Variants in PSMA8 observed in about 807,000 individuals in gnomAD.
The protein encoded by PSMA8 is proteasome subunit alpha-type 8.
In PSMA8, 18 loss-of-function variants were observed where a neutral mutation model predicts 32.4. The ratio of observed to expected loss-of-function variants is 0.56; its 90% CI spans 0.38 to 0.82. The LOEUF (loss-of-function observed/expected upper bound fraction) is 0.82. Ranked by LOEUF, PSMA8 falls within the 40% of genes least tolerant of loss-of-function variation. The probability of loss-of-function intolerance (pLI) is 0.00; values close to 1 mark genes in which losing one functional copy is unlikely to be tolerated. For synonymous variants in PSMA8, 104 were observed against 98.1 expected (o/e 1.06, Z -0.36); for missense variants, 298 against 300.7 (o/e 0.99, Z 0.07).
chr18:26,179,625 A>G (rs1046490481), intron 6 of PSMA8, among the ~76,000 whole-genome samples: 1 of 152,170 alleles, frequency 6.6e-6, no homozygotes, highest in Non-Finnish European at 1.5e-5. Flanking sequence ...AATGTTCAGG[A>G]TATTGTGATA....
chr18:26,134,836 C>G (rs564177517), intron 1 of PSMA8, among the ~76,000 whole-genome samples: 226 of 152,244 alleles, frequency 1.5e-3, no homozygotes, highest in African/African-American at 5.4e-3. Context: ...TGCCTGTAAT[C>G]CCAGCTACTC....
chr18:26,150,409 C>G (rs1161277365), intron 2 of PSMA8, among the ~76,000 whole-genome samples: 2 of 151,818 alleles, frequency 1.3e-5, no homozygotes, highest in Non-Finnish European at 2.9e-5. Flanking sequence ...ACGATCATAG[C>G]TCACTGCAGC....
At position 26,181,922 on chromosome 18, in the gene PSMA8, T is replaced by TG. The variant is rs1448663346; in HGVS notation, c.660+2793dup. ...CTGGGCAACAGAGTGAGACGCCATC[T>TG]GAAAAAAAAAAAAAAAACCAGTCTT... On this transcript the variant is annotated intron_variant, in intron 6 of 6. Transcript: ENST00000415576. 2.1e-5 allele frequency among the ~76,000 whole-genome samples: 3 copies of TG among 144,154 alleles called. No individual in the cohort carries two copies. In the East Asian group the frequency reaches 6.1e-4, roughly 29 times the overall value. The allele number at this position is 144,154 out of a possible 152,430, so 94.6% of individuals were successfully genotyped here.
At chr18:26,178,271 A>G (rs2055279551) in intron 4 of PSMA8, among the ~76,000 whole-genome samples, 1 of 152,020 alleles carries the variant, frequency 6.6e-6, no homozygotes, top group Non-Finnish European at 1.5e-5. Context: ...GGGAGACATT[A>G]TATTAATAGA....
chr18:26,145,180 G>A (rs1054750569), intron 2 of PSMA8, among the ~76,000 whole-genome samples: 3 of 152,110 alleles, frequency 2.0e-5, no homozygotes, highest in South Asian at 2.1e-4. Flanking sequence ...GTGCAATGGC[G>A]CGATCTCTGC....
intron 4 of PSMA8, among the ~76,000 whole-genome samples, chr18:26,159,667 A>G (rs1475574668): frequency 1.3e-5 from 2 of 152,034 alleles, no homozygotes; most frequent in Non-Finnish European, 2.9e-5. Flanking sequence ...GGACGTACAG[A>G]GAAGTATTTT....
rs550254040 is a variant in PSMA8 at position 26,148,225 on chromosome 18, A to G, written c.229+3540A>G. Among the ~76,000 whole-genome samples, 11 of 152,204 alleles carry G rather than the reference A, an allele frequency of 7.2e-5. No individual in the cohort carries two copies. In the South Asian group the frequency reaches 2.3e-3, roughly 32 times the overall value. Reference sequence around the variant, plus strand: ...GCCAAAGACATTACAAGAAAAGAAAACTATAGACAAATATCCCTTATGAGC... The same window carrying G: ...GCCAAAGACATTACAAGAAAAGAAAGCTATAGACAAATATCCCTTATGAGC... On this transcript the variant is annotated intron_variant, in intron 2 of 6. Coordinates refer to ENST00000415576, the MANE Select transcript of PSMA8 (RefSeq NM_001025096.2).
intron 4 of PSMA8, among the ~76,000 whole-genome samples, chr18:26,165,321 C>T (rs1318163204): frequency 1.3e-5 from 2 of 152,206 alleles, no homozygotes; most frequent in Non-Finnish European, 2.9e-5. Flanking sequence ...CGCATGCACC[C>T]ACGCCTGCAT....
Position 26,160,710 on chromosome 18 carries a change from G to A in PSMA8, c.477+2466G>A, listed in dbSNP as rs116056551. 5.2e-3 allele frequency among the ~76,000 whole-genome samples: 796 copies of A among 152,344 alleles called. 5 individuals are homozygous for A. Among genetic ancestry groups the A allele is most frequent in the Middle Eastern group, 0.02 (6 of 294 alleles). On this transcript the variant is annotated intron_variant, in intron 4 of 6. Transcript: ENST00000415576. ...TTTGTAGGCTTATGAGGTATAGGTA[G>A]AGGAAAAGATAGAATGGGTAGGAGA... is the stretch of plus-strand genomic sequence containing the variant.
In PSMA8 at chr18:26,192,302, T is replaced by C. The variant is rs774800339; in HGVS notation, c.661-17T>C. 1.6e-5 allele frequency: 23 copies of C among 1,469,748 alleles called. No individual in the cohort carries two copies. Among genetic ancestry groups the C allele is most frequent in the Non-Finnish European group, 2.1e-5 (23 of 1,114,566 alleles). 91.0% of individuals were successfully genotyped at this position (1,469,748 alleles called of 1,614,324 possible). ...GTATAACTGACATTTGATCTTTAAA[T>C]TTTTTTCTCTTTTCAGATGTTTAGT... is the stretch of plus-strand genomic sequence containing the variant. On this transcript the variant is annotated splice_polypyrimidine_tract_variant and intron_variant, in intron 6 of 6. Coordinates refer to ENST00000415576, the MANE Select transcript of PSMA8 (RefSeq NM_001025096.2).
At chr18:26,154,646 A>C (rs1048408726) in intron 3 of PSMA8, among the ~76,000 whole-genome samples, 8 of 151,862 alleles carry the variant, frequency 5.3e-5, no homozygotes, top group Admixed American at 5.2e-4. Flanking sequence ...ATGGAGTCTC[A>C]CTCTGTCACC....
chr18:26,176,962 A>C (rs1437120000), intron 4 of PSMA8, among the ~76,000 whole-genome samples: 2 of 152,002 alleles, frequency 1.3e-5, no homozygotes, highest in Admixed American at 6.6e-5. Flanking sequence ...AATAATACTA[A>C]ACAGTTATAA....
chr18:26,188,156 A>C (rs1658015714), intron 6 of PSMA8, among the ~76,000 whole-genome samples: 1 of 152,130 alleles, frequency 6.6e-6, no homozygotes, highest in South Asian at 2.1e-4. Context: ...ATACGAATAC[A>C]TGGAAATTAA....
At chr18:26,153,631 G>T (rs2055063539) in intron 3 of PSMA8, among the ~76,000 whole-genome samples, 1 of 151,978 alleles carries the variant, frequency 6.6e-6, no homozygotes, top group Admixed American at 6.6e-5. Context: ...TTCTCCTTTT[G>T]TAAACTATCT....
chr18:26,191,329 G>A (rs2055400583), intron 6 of PSMA8, among the ~76,000 whole-genome samples: 1 of 152,058 alleles, frequency 6.6e-6, no homozygotes. Context: ...CTTCACTGAA[G>A]TTAATAATTG....
At chr18:26,142,000 A>C (rs1441190280) in intron 1 of PSMA8, among the ~76,000 whole-genome samples, 1 of 148,138 alleles carries the variant, frequency 6.8e-6, no homozygotes, top group African/African-American at 2.5e-5. Flanking sequence ...CTAGTTCTAC[A>C]TTTCATCTAT....
chr18:26,170,467 C>A (rs1167644744), intron 4 of PSMA8, among the ~76,000 whole-genome samples: 1 of 130,732 alleles, frequency 7.6e-6, no homozygotes, highest in Non-Finnish European at 1.5e-5. Context: ...GGCAAGAGTG[C>A]CACATGTGAT....
chr18:26,165,922 C>A (rs961488501), intron 4 of PSMA8, among the ~76,000 whole-genome samples: 1 of 151,772 alleles, frequency 6.6e-6, no homozygotes, highest in Non-Finnish European at 1.5e-5. Context: ...ATGGTGAAAC[C>A]CCATCTCTAC....
At chr18:26,143,671 C>G (rs2054977339) in intron 1 of PSMA8, among the ~76,000 whole-genome samples, 1 of 152,048 alleles carries the variant, frequency 6.6e-6, no homozygotes, top group South Asian at 2.1e-4. Flanking sequence ...CCCACCACCA[C>G]TATGACTGCT....
Sources: gnomAD v4.1 joint callset for allele counts (sites outside exome capture counted in the v4.1 genomes callset) on GRCh38, gnomAD v4.1.1 for gene constraint, MANE v1.5 for transcripts, NCBI Gene and HGNC (gene_info 2026-07-23, HGNC 2026-07-21) for gene names.